Variants in SLC2A2 observed in about 807,000 individuals in gnomAD.
SLC2A2 encodes the protein solute carrier family 2 member 2, also known as solute carrier family 2, facilitated glucose transporter member 2.
SLC2A2 carries 36 observed loss-of-function variants against 54.5 expected under a neutral mutation model. That is an observed-to-expected ratio of 0.66 (90% CI 0.51 to 0.87). The LOEUF is 0.87. Among genes scored for constraint, SLC2A2 ranks in the 40% least tolerant of loss-of-function variants. The pLI is 0.00. For missense variants in SLC2A2, 543 were observed against 624.3 expected, an observed-to-expected ratio of 0.87 and a Z score of 1.39; for synonymous variants, 223 against 219.1, an observed-to-expected ratio of 1.02 and a Z score of -0.16.
intron 2 of SLC2A2, 31 bp downstream of exon 2, chr3:171,018,500 C>T: frequency 1.1e-5 from 17 of 1,491,580 alleles, no homozygotes; most frequent in Non-Finnish European, 1.6e-5. Flanking sequence ...CAGAACTTGC[C>T]AAAAAGAGAA....
chr3:171,019,125 GTATGTATATATATATATATATATA>G (rs1716327161), intron 1 of SLC2A2, among the ~76,000 whole-genome samples: 2 of 4,968 alleles, frequency 4.0e-4, no homozygotes, highest in African/African-American at 1.6e-3. Flanking sequence ...ATATATATAC[GTATGTATATATATATATATATATA>G]TATATACGTA....
chr3:171,018,714 T>C (rs1716275025), intron 1 of SLC2A2, 91 bp from the exon 2 acceptor site: 5 of 841,084 alleles, frequency 5.9e-6, no homozygotes, highest in South Asian at 1.4e-5. Flanking sequence ...TCTTACAGGC[T>C]CCACAGGCTG....
intron 3 of SLC2A2, among the ~76,000 whole-genome samples, chr3:171,011,989 T>A (rs1715903574): frequency 6.6e-6 from 1 of 152,128 alleles, no homozygotes; most frequent in African/African-American, 2.4e-5. Context: ...CTTTAAAAAA[T>A]ACATGAAATA....
At chr3:171,007,307 A>C in intron 4 of SLC2A2, 44 bp from the exon 5 acceptor site, 1 of 1,140,188 alleles carries the variant, frequency 8.8e-7, no homozygotes, top group South Asian at 1.3e-5. Flanking sequence ...AACCAGGACT[A>C]TCTCAATAAT....
At chr3:171,001,921 A>C (rs1465391048) in intron 8 of SLC2A2, among the ~76,000 whole-genome samples, 1 of 151,436 alleles carries the variant, frequency 6.6e-6, no homozygotes, top group Non-Finnish European at 1.5e-5. Context: ...AGAGTATATG[A>C]CTTTTTTTTT....
rs567533040 is a variant in SLC2A2 at position 171,007,124 on chromosome 3, G to A, written c.612+24C>T. On this transcript the variant is annotated intron_variant, in intron 5 of 10. Coordinates refer to ENST00000314251, the MANE Select transcript of SLC2A2 (RefSeq NM_000340.2). ...AGGATGAAGTAGATGGGTGCAGTAG[G>A]GGATAAGGATGGGGAGTTTTTACCT... The A allele has an allele frequency of 2.1e-4, 271 of 1,310,224 alleles. 2 individuals carry two copies. In the South Asian group the frequency reaches 3.0e-3, roughly 15 times the overall value. 81.2% of individuals were successfully genotyped at this position (1,310,224 alleles called of 1,614,324 possible). A position where few individuals can be genotyped will look rare whatever the true frequency, so the allele number is the denominator to read the frequency against.
At chr3:171,018,999 C>G (rs912112225) in intron 1 of SLC2A2, among the ~76,000 whole-genome samples, 43 of 149,182 alleles carry the variant, frequency 2.9e-4, no homozygotes, top group Non-Finnish European at 5.5e-4. Flanking sequence ...AAAAATCCAC[C>G]CAAATAGTCC....
At position 171,018,639 on chromosome 3, in the gene SLC2A2, C is replaced by T. The variant is rs755777830; in HGVS notation, c.16-16G>A. ...TCCCAGTGACCTGCAGGGGGCGAGA[C>T]ACAGGGCAGGGAAACACCAGGCAAT... On this transcript the variant is annotated splice_polypyrimidine_tract_variant and intron_variant, in intron 1 of 10. Coordinates refer to ENST00000314251, the MANE Select transcript of SLC2A2 (RefSeq NM_000340.2). The T allele has an allele frequency of 1.9e-6, 3 of 1,585,582 alleles. No individual in the cohort carries two copies. In the Admixed American group the frequency reaches 5.0e-5, roughly 26 times the overall value.
chr3:171,001,623 A>T (rs1344245400), intron 8 of SLC2A2, among the ~76,000 whole-genome samples: 1 of 152,070 alleles, frequency 6.6e-6, no homozygotes, highest in Non-Finnish European at 1.5e-5. Flanking sequence ...AAAATTGAAA[A>T]GAATAAACTT....
chr3:171,019,563 T>G (rs1716357444), intron 1 of SLC2A2, among the ~76,000 whole-genome samples: 1 of 152,170 alleles, frequency 6.6e-6, no homozygotes, highest in Non-Finnish European at 1.5e-5. Flanking sequence ...ATACGGATAC[T>G]TAGTTTAGCA....
At position 171,013,636 on chromosome 3, in the gene SLC2A2, T is replaced by G. The variant is rs542967898; in HGVS notation, c.371+833A>C. On this transcript the variant is annotated intron_variant, in intron 3 of 10. Coordinates refer to ENST00000314251, the MANE Select transcript of SLC2A2 (RefSeq NM_000340.2). The stretch of plus-strand genomic sequence containing the variant: ...GAATTATTAAACTAGTTGCCTAAAT[T>G]GTTATTTACATCTTTAAAGGCATTT... Among the ~76,000 whole-genome samples, 4 of 134,956 alleles carry G rather than the reference T, an allele frequency of 3.0e-5. No individual in the cohort carries two copies. The East Asian group carries it at 7.8e-4, about 26-fold the overall frequency. 88.5% of individuals were successfully genotyped at this position (134,956 alleles called of 152,430 possible). A position where few individuals can be genotyped will look rare whatever the true frequency, so the allele number is the denominator to read the frequency against.
Position 170,997,894 on chromosome 3 carries a change from G to GTT in SLC2A2, c.*7_*8dup, listed in dbSNP as rs573575421. 1.3e-4 allele frequency: 185 copies of GTT among 1,432,256 alleles called. No individual in the cohort carries two copies. Among genetic ancestry groups the GTT allele is most frequent in the Non-Finnish European group, 1.6e-4 (171 of 1,042,336 alleles). The allele number at this position is 1,432,256 out of a possible 1,614,324, so 88.7% of individuals were successfully genotyped here. A position where few individuals can be genotyped will look rare whatever the true frequency, so the allele number is the denominator to read the frequency against. ...GTTTCTGTTCATGTCAAAAAGCAGG[G>GTT]TTTTTTTTTTACACAGTCTCTGTAG... On this transcript the variant is annotated 3_prime_UTR_variant, in exon 11 of 11. Coordinates refer to ENST00000314251, the MANE Select transcript of SLC2A2 (RefSeq NM_000340.2).
At chr3:171,021,846 C>T (rs913552742) in intron 1 of SLC2A2, among the ~76,000 whole-genome samples, 1 of 152,178 alleles carries the variant, frequency 6.6e-6, no homozygotes, top group Admixed American at 6.5e-5. Flanking sequence ...CTACTGGTAT[C>T]TTTCTTTCCT....
intron 3 of SLC2A2, among the ~76,000 whole-genome samples, chr3:171,010,352 C>T (rs1194708911): frequency 1.3e-5 from 2 of 152,116 alleles, no homozygotes; most frequent in Non-Finnish European, 2.9e-5. Flanking sequence ...CAGGGTCTCA[C>T]TCGCTCTGTC....
rs754555670 is a variant in SLC2A2 at position 170,998,077 on chromosome 3, G to A, written c.1401C>T (p.Phe467=). ...AGGCCAGGAGCACTCCAGCAAAGAG[G>A]AAAAACACATAAGGTCCACAGAAGT... ...IADFCGPYVF[F]LFAGVLLAFT... Residue 467 remains phenylalanine, a synonymous_variant, in exon 11 of 11, where the codon TTC becomes TTT. Coordinates refer to ENST00000314251, the MANE Select transcript of SLC2A2 (RefSeq NM_000340.2). 1.2e-6 allele frequency: 2 copies of A among 1,613,576 alleles called. No homozygotes were observed. The highest frequency in any genetic ancestry group is 1.7e-6 in the Non-Finnish European group (2 of 1,179,760).
intron 5 of SLC2A2, 23 bp from the exon 6 acceptor site, chr3:171,006,128 T>C (rs1299900748): frequency 1.2e-6 from 2 of 1,602,864 alleles, no homozygotes; most frequent in Non-Finnish European, 1.7e-6. Flanking sequence ...GGAGGAAGTA[T>C]ATCAACTACA....
At chr3:171,000,600 T>C (rs12490982) in intron 8 of SLC2A2, among the ~76,000 whole-genome samples, 3,568 of 148,568 alleles carry the variant, frequency 0.024, 58 homozygotes, top group Admixed American at 0.042. Flanking sequence ...TCTTTCTCAG[T>C]GTCATCCTGC....
Position 171,014,605 on chromosome 3 carries a change from T to C in SLC2A2, c.235A>G (p.Thr79Ala). Reference sequence around the variant, plus strand: ...ACAGTCTCTTCCTCAGCCCAAGGGGTTGGTTTTGGGTTCATTGAGTATGAG... The same window carrying C: ...ACAGTCTCTTCCTCAGCCCAAGGGGCTGGTTTTGGGTTCATTGAGTATGAG... ...TISYSMNPKP[T>A]PWAEEETVAA... The change falls in exon 3 of 11, where the codon ACC becomes GCC. Residue 79 changes from threonine (T) to alanine (A), a missense_variant. Coordinates refer to ENST00000314251, the MANE Select transcript of SLC2A2 (RefSeq NM_000340.2). 5 of 1,614,136 alleles carry C rather than the reference T, an allele frequency of 3.1e-6. No homozygotes were observed. The highest frequency in any genetic ancestry group is 4.2e-6 in the Non-Finnish European group (5 of 1,180,022).
intron 3 of SLC2A2, among the ~76,000 whole-genome samples, chr3:171,013,459 T>C (rs1052638915): frequency 6.6e-6 from 1 of 152,078 alleles, no homozygotes; most frequent in Non-Finnish European, 1.5e-5. Context: ...TAATAAAACT[T>C]GGGTTACCAT....
Sources: gnomAD v4.1 joint callset for allele counts (sites outside exome capture counted in the v4.1 genomes callset) on GRCh38, gnomAD v4.1.1 for gene constraint, MANE v1.5 for transcripts, NCBI Gene and HGNC (gene_info 2026-07-23, HGNC 2026-07-21) for gene names.